The following FRMD4A variants were observed in gnomAD, a reference collection of about 807,000 sequenced individuals.
FRMD4A encodes FERM domain containing 4A.
In FRMD4A, 29 loss-of-function variants were observed where a neutral mutation model predicts 129.1. That is an observed-to-expected ratio of 0.22 (90% CI 0.17 to 0.31). The LOEUF (loss-of-function observed/expected upper bound fraction) is 0.31. Among genes scored for constraint, FRMD4A ranks in the 10% least tolerant of loss-of-function variants. The pLI is 1.00. For synonymous variants in FRMD4A, 634 were observed against 571.6 expected (o/e 1.11, Z -1.56); for missense variants, 1,272 against 1,375.8 (o/e 0.92, Z 1.19).
rs1461255278 is a variant in FRMD4A at position 14,330,048 on chromosome 10, G to A, written c.45+10C>T. ...GCTGCCCGGGCCCCACCTCCTGTCT[G>A]AACACTCACCATCAGCAGGCCGAGA... On this transcript the variant is annotated intron_variant, in intron 2 of 24. Coordinates refer to ENST00000357447, the MANE Select transcript of FRMD4A (RefSeq NM_018027.5). 2.8e-5 allele frequency: 43 copies of A among 1,552,234 alleles called. 1 individual carries two copies. The Admixed American group carries it at 8.2e-4, about 30-fold the overall frequency.
At chr10:13,900,181 A>G (rs1409272755) in intron 2 of FRMD4A, among the ~76,000 whole-genome samples, 1 of 152,200 alleles carries the variant, frequency 6.6e-6, no homozygotes, top group Admixed American at 6.5e-5. Context: ...GTCTCCTGTC[A>G]TGTGTGGCCT....
intron 2 of FRMD4A, among the ~76,000 whole-genome samples, chr10:14,295,257 A>C (rs1411030156): frequency 6.6e-6 from 1 of 152,180 alleles, no homozygotes; most frequent in Non-Finnish European, 1.5e-5. Flanking sequence ...CCTCCATGTG[A>C]TGCCCTAGTT....
At chr10:13,712,428 C>T (rs1033625823) in intron 12 of FRMD4A, among the ~76,000 whole-genome samples, 4 of 151,898 alleles carry the variant, frequency 2.6e-5, no homozygotes, top group South Asian at 2.1e-4. Flanking sequence ...GCAGGAGAAT[C>T]GCTTGTACCC....
chr10:13,858,981 C>A (rs1347158843), intron 2 of FRMD4A, 69 bp from the exon 3 acceptor site: 2 of 918,524 alleles, frequency 2.2e-6, no homozygotes, highest in East Asian at 4.8e-5. Context: ...GGGTCGCCGA[C>A]GCTGCACTCT....
At chr10:13,780,600 A>T (rs1200809995) in intron 6 of FRMD4A, among the ~76,000 whole-genome samples, 1 of 152,236 alleles carries the variant, frequency 6.6e-6, no homozygotes, top group African/African-American at 2.4e-5. Context: ...ACTAGTCTAC[A>T]GGGAAACGCA....
chr10:14,087,739 A>G (rs1047201312), intron 2 of FRMD4A: 1 of 152,200 alleles, frequency 6.6e-6, no homozygotes, highest in Admixed American at 6.5e-5. Flanking sequence ...ATTTCAGGTG[A>G]TGTCATAAAG....
chr10:14,008,483 G>A (rs552284338), intron 2 of FRMD4A: 2 of 995,472 alleles, frequency 2.0e-6, no homozygotes, highest in African/African-American at 1.7e-5. Context: ...CAAGTGACGC[G>A]TCTGGGGAGA....
At chr10:14,303,120 C>T (rs532369241) in intron 2 of FRMD4A, among the ~76,000 whole-genome samples, 8 of 152,278 alleles carry the variant, frequency 5.3e-5, no homozygotes, top group South Asian at 4.1e-4. Context: ...TGAAAAACGC[C>T]GATGCTCACA....
In FRMD4A at chr10:13,783,064, C is replaced by T; in HGVS notation, c.300-58G>A. The T allele has an allele frequency of 5.2e-6, 4 of 764,558 alleles. No homozygotes were observed. The South Asian group carries it at 5.6e-5, about 11-fold the overall frequency. 47.4% of individuals were successfully genotyped at this position (764,558 alleles called of 1,614,324 possible). ...AACAGCAGGTGCAGAAAATAAAGTGCTCTCTTGAGCTACATGATTTGAGAT... is the reference window on the plus strand; with the variant it reads ...AACAGCAGGTGCAGAAAATAAAGTGTTCTCTTGAGCTACATGATTTGAGAT... On this transcript the variant is annotated intron_variant, in intron 5 of 24. Transcript: ENST00000357447.
intron 12 of FRMD4A, among the ~76,000 whole-genome samples, chr10:13,720,178 A>G (rs1263416527): frequency 6.6e-6 from 1 of 152,146 alleles, no homozygotes; most frequent in East Asian, 1.9e-4. Flanking sequence ...CCTCCTGAGT[A>G]GCTCAGACTA....
chr10:14,054,502 A>G (rs10906584), intron 2 of FRMD4A, among the ~76,000 whole-genome samples: 72,923 of 152,022 alleles, frequency 0.48, 18,133 homozygotes, highest in Middle Eastern at 0.58. Context: ...ATACTCCAAA[A>G]AAAAATCAAA....
intron 2 of FRMD4A, among the ~76,000 whole-genome samples, chr10:13,996,602 T>A (rs4748077): frequency 6.6e-6 from 1 of 152,044 alleles, no homozygotes; most frequent in Non-Finnish European, 1.5e-5. Flanking sequence ...AAGGGGCTGG[T>A]GAAGGGGAAC....
intron 14 of FRMD4A, among the ~76,000 whole-genome samples, chr10:13,701,025 TC>T (rs1458074631): frequency 6.6e-6 from 1 of 152,084 alleles, no homozygotes; most frequent in Non-Finnish European, 1.5e-5. Context: ...GGGCTTGCCT[TC>T]ACGCTGCTAG....
intron 2 of FRMD4A, among the ~76,000 whole-genome samples, chr10:13,964,891 G>A (rs543394907): frequency 7.9e-5 from 12 of 151,928 alleles, no homozygotes; most frequent in Non-Finnish European, 1.5e-4. Context: ...TCACCATGTT[G>A]GCCAGGATGG....
At chr10:14,144,727 C>G (rs925982718) in intron 2 of FRMD4A, among the ~76,000 whole-genome samples, 1 of 152,060 alleles carries the variant, frequency 6.6e-6, no homozygotes, top group African/African-American at 2.4e-5. Flanking sequence ...GCAAGAGACA[C>G]GGTGATTTCC....
intron 2 of FRMD4A, among the ~76,000 whole-genome samples, chr10:14,206,134 G>C (rs777000607): frequency 7.9e-5 from 12 of 152,130 alleles, no homozygotes; most frequent in Non-Finnish European, 1.6e-4. Flanking sequence ...CCCAGCAATT[G>C]ATTGGTCGTT....
intron 24 of FRMD4A, 122 bp downstream of exon 24, chr10:13,651,780 CT>C (rs2081613118): frequency 3.0e-6 from 2 of 670,312 alleles, no homozygotes; most frequent in Non-Finnish European, 2.8e-6. Flanking sequence ...CCCCATGTAT[CT>C]AGAAATAAGG....
chr10:14,150,011 C>G (rs1013232298), intron 2 of FRMD4A, among the ~76,000 whole-genome samples: 22 of 152,154 alleles, frequency 1.4e-4, no homozygotes, highest in African/African-American at 7.2e-5. Context: ...GAAGGGGGAG[C>G]AAGCACATCT....
At chr10:13,925,495 G>T (rs1298915233) in intron 2 of FRMD4A, among the ~76,000 whole-genome samples, 1 of 136,608 alleles carries the variant, frequency 7.3e-6, no homozygotes, top group Admixed American at 7.6e-5. Flanking sequence ...TTTAGTTTCT[G>T]TTCCTTCTTT....
Sources: allele counts gnomAD v4.1 joint callset (sites outside exome capture counted in the v4.1 genomes callset), GRCh38; gene constraint gnomAD v4.1.1; transcripts MANE v1.5; gene names NCBI Gene and HGNC (gene_info 2026-07-23, HGNC 2026-07-21).